LIPA: variants seen among roughly 807,000 people sequenced by gnomAD.
The protein encoded by LIPA is lipase A, lysosomal acid type, also known as lysosomal acid lipase/cholesteryl ester hydrolase.
Under a neutral mutation model 40.6 loss-of-function variants are expected in LIPA, and 26 were observed. That is an observed-to-expected ratio of 0.64 (90% CI 0.47 to 0.89). The LOEUF (loss-of-function observed/expected upper bound fraction) is 0.89. LIPA is among the 40% of genes least tolerant of loss of function. The pLI is 0.00. For synonymous variants in LIPA, 188 were observed against 168.4 expected (o/e 1.12, Z -0.90); for missense variants, 455 against 479.6 (o/e 0.95, Z 0.48).
chr10:89,328,501 C>T (rs1843620654), intron 1 of LIPA, among the ~76,000 whole-genome samples: 1 of 150,386 alleles, frequency 6.6e-6, no homozygotes, highest in Non-Finnish European at 1.5e-5. Flanking sequence ...GATTAAGTCA[C>T]AGGCTTTTTT....
chr10:89,245,187 CTGTG>C (rs933276010), intron 3 of LIPA, among the ~76,000 whole-genome samples: 85 of 152,120 alleles, frequency 5.6e-4, no homozygotes, highest in African/African-American at 2.0e-3. Flanking sequence ...AAATAAGAAT[CTGTG>C]TGTGTATTTG....
At chr10:89,215,831 C>T in intron 9 of LIPA, 107 bp downstream of exon 9, 1 of 809,022 alleles carries the variant, frequency 1.2e-6, no homozygotes, top group Admixed American at 1.7e-5. Flanking sequence ...TCAACTCCTG[C>T]AAACATTTCC....
At position 89,311,320 on chromosome 10, in the gene LIPA, C is replaced by CCA. The variant is rs1473528443; in HGVS notation, c.-2+31289_-2+31290dup. The stretch of plus-strand genomic sequence containing the variant: ...GGTAGATCACCTGAGGTCAGGAGTT[C>CCA]CAGACCAGCCTGATCAATATGGTGA... On this transcript the variant is annotated intron_variant, in intron 1 of 5. Coordinates refer to the LIPA transcript ENST00000282673. 3.9e-5 allele frequency among the ~76,000 whole-genome samples: 6 copies of CCA among 151,974 alleles called. No homozygotes were observed. In the East Asian group the frequency reaches 1.2e-3, roughly 29 times the overall value.
chr10:89,337,962 T>G (rs986444916), intron 1 of LIPA, among the ~76,000 whole-genome samples: 14 of 152,208 alleles, frequency 9.2e-5, no homozygotes, highest in African/African-American at 3.4e-4. Context: ...CATGAGATAC[T>G]CAACACTTTA....
In LIPA at chr10:89,249,266, C is replaced by T. The variant is rs144208954; in HGVS notation, c.-1-1617G>A. On this transcript the variant is annotated intron_variant, in intron 1 of 9. Transcript: ENST00000336233. ...CAACAAAGACCATCTTGGTTTCTGG[C>T]AGTGATGACTCAAAATCACAGCAAA... Among the ~76,000 whole-genome samples the T allele has an allele frequency of 8.1e-4, 123 of 152,338 alleles. 2 individuals carry two copies. The highest frequency in any genetic ancestry group is 2.8e-3 in the African/African-American group (115 of 41,574).
intron 1 of LIPA, among the ~76,000 whole-genome samples, chr10:89,311,736 A>G (rs1250484829): frequency 6.6e-6 from 1 of 152,180 alleles, no homozygotes; most frequent in Admixed American, 6.5e-5. Context: ...AAAAGAGTTG[A>G]TTTGTCTAGG....
chr10:89,401,834 C>T (rs1462120468), intron 2 of LIPA, among the ~76,000 whole-genome samples: 5 of 150,158 alleles, frequency 3.3e-5, no homozygotes, highest in Non-Finnish European at 7.4e-5. Context: ...TTCATGTGGT[C>T]TTAATTTGTT....
chr10:89,307,250 G>A, intron 1 of LIPA: 1 of 1,613,978 alleles, frequency 6.2e-7, no homozygotes, highest in Non-Finnish European at 8.5e-7. Context: ...AGATTCTGAG[G>A]CTTTGCATGT....
rs997191711 is a variant in LIPA at position 89,269,960 on chromosome 10, A to G, written c.-1-22311T>C. On this transcript the variant is annotated intron_variant, in intron 1 of 5. Coordinates refer to the LIPA transcript ENST00000282673. The stretch of plus-strand genomic sequence containing the variant: ...ACACAGCTTTGTATTCTGGTCAGAC[A>G]TAAGTTGTGTGACCTTTACTCCAAT... Among the ~76,000 whole-genome samples, 5 of 152,352 alleles carry G rather than the reference A, an allele frequency of 3.3e-5. No homozygotes were observed. The East Asian group carries it at 9.6e-4, about 29-fold the overall frequency.
chr10:89,278,983 G>GT (rs1265178789), intron 1 of LIPA, among the ~76,000 whole-genome samples: 1 of 152,040 alleles, frequency 6.6e-6, no homozygotes, highest in African/African-American at 2.4e-5. Context: ...ATGGTAACAG[G>GT]TTTTTACCAA....
intron 2 of LIPA, among the ~76,000 whole-genome samples, chr10:89,389,645 AC>A (rs1844231740): frequency 6.6e-6 from 1 of 152,184 alleles, no homozygotes. Context: ...GATATTTGAG[AC>A]CCTTCAGCAG....
intron 1 of LIPA, among the ~76,000 whole-genome samples, chr10:89,341,334 C>A (rs1355682023): frequency 1.3e-5 from 2 of 152,220 alleles, no homozygotes; most frequent in African/African-American, 2.4e-5. Context: ...AGGTCTACAG[C>A]AGTCCCTTTC....
At chr10:89,337,116 G>A (rs945925377) in intron 1 of LIPA, among the ~76,000 whole-genome samples, 3 of 152,114 alleles carry the variant, frequency 2.0e-5, no homozygotes, top group African/African-American at 7.2e-5. Flanking sequence ...AGCCTCCGTG[G>A]GTCTGTTTGT....
intron 2 of LIPA, chr10:89,383,925 C>A (rs777499902): frequency 1.2e-6 from 2 of 1,614,152 alleles, no homozygotes; most frequent in East Asian, 2.2e-5. Context: ...TTTCTCTGCA[C>A]GTCCTAAAAC....
At chr10:89,366,803 G>A (rs908113545) in intron 2 of LIPA, among the ~76,000 whole-genome samples, 8 of 152,184 alleles carry the variant, frequency 5.3e-5, no homozygotes, top group African/African-American at 1.9e-4. Flanking sequence ...AATACCATTT[G>A]ACCCAGCCAT....
upstream of LIPA, among the ~76,000 whole-genome samples, chr10:89,256,345 T>C (rs985943968): frequency 6.6e-6 from 1 of 152,226 alleles, no homozygotes; most frequent in African/African-American, 2.4e-5. Context: ...GAAACAGTAT[T>C]TAAAGACATG....
chr10:89,403,611 G>A (rs375850117), intron 2 of LIPA: 141 of 1,614,040 alleles, frequency 8.7e-5, no homozygotes, highest in Non-Finnish European at 1.0e-4. Context: ...CCTTGGGTTC[G>A]TCTACAAATT....
chr10:89,351,122 C>T (rs1843956169), intron 2 of LIPA, among the ~76,000 whole-genome samples: 1 of 152,114 alleles, frequency 6.6e-6, no homozygotes, highest in Non-Finnish European at 1.5e-5. Context: ...TTGAGATCAG[C>T]CTGGGCAGCA....
chr10:89,334,859 C>T (rs1407661315), intron 1 of LIPA, among the ~76,000 whole-genome samples: 1 of 152,002 alleles, frequency 6.6e-6, no homozygotes, highest in African/African-American at 2.4e-5. Context: ...ATTTAAATAT[C>T]TGCATTAATT....
Sources: allele counts gnomAD v4.1 joint callset (sites outside exome capture counted in the v4.1 genomes callset), GRCh38; gene constraint gnomAD v4.1.1; transcripts MANE v1.5; gene names NCBI Gene and HGNC (gene_info 2026-07-23, HGNC 2026-07-21).